RAB11FIP2: variants seen among roughly 807,000 people sequenced by gnomAD.
The protein encoded by RAB11FIP2 is RAB11 family interacting protein 2.
RAB11FIP2 carries 16 observed loss-of-function variants against 40.9 expected under a neutral mutation model. The ratio of observed to expected loss-of-function variants is 0.39; its 90% CI spans 0.26 to 0.59. RAB11FIP2 has a LOEUF of 0.59. Among genes scored for constraint, RAB11FIP2 ranks in the 20% least tolerant of loss-of-function variants. RAB11FIP2 has a pLI of 0.53. For missense variants in RAB11FIP2, 532 were observed against 606.2 expected, an observed-to-expected ratio of 0.88 and a Z score of 1.28; for synonymous variants, 228 against 213.7, an observed-to-expected ratio of 1.07 and a Z score of -0.58.
intron 3 of RAB11FIP2, among the ~76,000 whole-genome samples, chr10:118,031,161 T>C (rs11198241): frequency 0.035 from 5,351 of 152,168 alleles, 131 homozygotes; most frequent in Non-Finnish European, 0.058. Context: ...TAGACAAATA[T>C]GAGCAAAAAG....
intron 3 of RAB11FIP2, among the ~76,000 whole-genome samples, chr10:118,030,455 T>C (rs1176880886): frequency 6.6e-6 from 1 of 152,108 alleles, no homozygotes; most frequent in Non-Finnish European, 1.5e-5. Context: ...CTAAACTATA[T>C]CTCCATAGGT....
At chr10:118,010,156 T>C (rs10430689) in intron 4 of RAB11FIP2, among the ~76,000 whole-genome samples, 83,601 of 152,010 alleles carry the variant, frequency 0.55, 26,865 homozygotes, top group Non-Finnish European at 0.73. Flanking sequence ...CATAATCTTT[T>C]ATTTATAGTG....
intron 4 of RAB11FIP2, among the ~76,000 whole-genome samples, chr10:118,013,891 T>C (rs548491009): frequency 9.3e-4 from 141 of 152,244 alleles, no homozygotes; most frequent in African/African-American, 3.1e-3. Flanking sequence ...AGCTACACAT[T>C]AAATCGATTT....
At position 118,008,193 on chromosome 10, in the gene RAB11FIP2, G is replaced by A. The variant is rs1263048401; in HGVS notation, c.*805C>T. 6.6e-6 allele frequency: 1 copy of A among 152,088 alleles called. No homozygotes were observed. Among genetic ancestry groups the A allele is most frequent in the Non-Finnish European group, 1.5e-5 (1 of 68,000 alleles). 9.4% of individuals were successfully genotyped at this position (152,088 alleles called of 1,614,324 possible). On this transcript the variant is annotated 3_prime_UTR_variant, in exon 5 of 5. Transcript: ENST00000355624. ...TTCATGCTGTTATGAAGTTAATGAA[G>A]TCTCCTAAAATTTGTCATTCTTTAA...
At position 118,027,890 on chromosome 10, in the gene RAB11FIP2, G is replaced by A. The variant is rs566561907; in HGVS notation, c.1265+11082C>T. 1.3e-5 allele frequency among the ~76,000 whole-genome samples: 2 copies of A among 152,214 alleles called. 1 individual carries two copies. On this transcript the variant is annotated intron_variant, in intron 3 of 4. Transcript: ENST00000355624. ...CTAGTCATGCCCCAACTTACAAAAT[G>A]ATGTTCCATGGTCAAGATCAAGCTC...
chr10:118,005,975 C>A lies in RAB11FIP2; in HGVS notation c.*3023G>T, dbSNP rs1348082568. On this transcript the variant is annotated 3_prime_UTR_variant, in exon 5 of 5. Coordinates refer to ENST00000355624, the MANE Select transcript of RAB11FIP2 (RefSeq NM_014904.3). Reference sequence around the variant, plus strand: ...ATTACAACTAAATCTTGATTTACCACCAAAAGCAATAGATGTAGTTATGTA... The same window carrying A: ...ATTACAACTAAATCTTGATTTACCAACAAAAGCAATAGATGTAGTTATGTA... 6.6e-6 allele frequency: 1 copy of A among 152,458 alleles called. No individual in the cohort carries two copies. Among genetic ancestry groups the A allele is most frequent in the Non-Finnish European group, 1.5e-5 (1 of 68,012 alleles). The allele number at this position is 152,458 out of a possible 1,614,324, so 9.4% of individuals were successfully genotyped here. A position where few individuals can be genotyped will look rare whatever the true frequency, so the allele number is the denominator to read the frequency against.
At chr10:118,014,604 CT>C (rs1393496616) in intron 4 of RAB11FIP2, among the ~76,000 whole-genome samples, 3 of 152,110 alleles carry the variant, frequency 2.0e-5, no homozygotes, top group Non-Finnish European at 2.9e-5. Context: ...AGTATTTGTT[CT>C]TTCAAATACT....
chr10:118,046,382 G>C lies in RAB11FIP2; in HGVS notation c.-219C>G. ...CCCCTTTCGTCTGGAGAAACACAGA[G>C]GCCCACCATCACCTGGCCGCGCCGT... On this transcript the variant is annotated 5_prime_UTR_variant, in exon 1 of 5. Coordinates refer to ENST00000355624, the MANE Select transcript of RAB11FIP2 (RefSeq NM_014904.3). The C allele has an allele frequency of 1.8e-6, 1 of 562,684 alleles. No individual in the cohort carries two copies. Among genetic ancestry groups the C allele is most frequent in the Middle Eastern group, 4.7e-4 (1 of 2,136 alleles). The allele number at this position is 562,684 out of a possible 1,614,324, so 34.9% of individuals were successfully genotyped here. A position where few individuals can be genotyped will look rare whatever the true frequency, so the allele number is the denominator to read the frequency against.
intron 3 of RAB11FIP2, among the ~76,000 whole-genome samples, chr10:118,037,072 T>A (rs912721090): frequency 1.3e-5 from 2 of 152,106 alleles, no homozygotes; most frequent in Non-Finnish European, 2.9e-5. Flanking sequence ...CCAAGTTACC[T>A]CAGACAGTTG....
rs1428227669 is a variant in RAB11FIP2 at position 118,006,955 on chromosome 10, T to C, written c.*2043A>G. 1.3e-5 allele frequency: 2 copies of C among 152,396 alleles called. No individual in the cohort carries two copies. Among genetic ancestry groups the C allele is most frequent in the East Asian group, 1.9e-4 (1 of 5,198 alleles). 9.4% of individuals were successfully genotyped at this position (152,396 alleles called of 1,614,324 possible). A position where few individuals can be genotyped will look rare whatever the true frequency, so the allele number is the denominator to read the frequency against. ...ATGAGTTCTATTTATGTAAAACATA[T>C]CCCCAATACAAAACTGACATCTTGG... On this transcript the variant is annotated 3_prime_UTR_variant, in exon 5 of 5. Transcript: ENST00000355624.
Position 118,015,090 on chromosome 10 carries a change from C to T in RAB11FIP2, c.1286G>A (p.Ser429Asn). 4 of 1,609,904 alleles carry T rather than the reference C, an allele frequency of 2.5e-6. No individual in the cohort carries two copies. Among genetic ancestry groups the T allele is most frequent in the Non-Finnish European group, 3.4e-6 (4 of 1,177,498 alleles). The change falls in exon 4 of 5, where the codon AGC (serine) becomes AAC (asparagine). Residue 429 changes from serine (S) to asparagine (N), a missense_variant. Transcript: ENST00000355624. ...CGGGATTTTCCTGAGGTCTTCATTG[C>T]TTGTTGGACTCATATGAAAACTAAT... ...PSSSFHMSPT[S>N]NEDLRKIPDS...
At chr10:118,031,615 G>C (rs1846414999) in intron 3 of RAB11FIP2, among the ~76,000 whole-genome samples, 1 of 152,068 alleles carries the variant, frequency 6.6e-6, no homozygotes, top group South Asian at 2.1e-4. Flanking sequence ...ACACTGCCAT[G>C]AAAAATCACT....
chr10:118,019,867 G>A (rs2133167184), intron 3 of RAB11FIP2, among the ~76,000 whole-genome samples: 1 of 150,616 alleles, frequency 6.6e-6, no homozygotes, highest in South Asian at 2.1e-4. Flanking sequence ...TCACTTTCAT[G>A]ACAAAGGTAT....
intron 3 of RAB11FIP2, among the ~76,000 whole-genome samples, chr10:118,024,027 C>T: frequency 6.7e-6 from 1 of 150,282 alleles, no homozygotes; most frequent in South Asian, 2.1e-4. Flanking sequence ...GAGACGGAGG[C>T]TGCAGTGAGC....
intron 3 of RAB11FIP2, among the ~76,000 whole-genome samples, chr10:118,029,295 T>C (rs548900551): frequency 6.6e-6 from 1 of 152,070 alleles, no homozygotes. Context: ...TGTTCCCTTC[T>C]TCTCCCTCCT....
intron 3 of RAB11FIP2, among the ~76,000 whole-genome samples, chr10:118,031,925 C>G (rs1423041869): frequency 6.6e-6 from 1 of 152,028 alleles, no homozygotes; most frequent in East Asian, 1.9e-4. Flanking sequence ...GGTCCCCAAA[C>G]AAAATTCTCT....
At chr10:118,011,872 T>C (rs549763185) in intron 4 of RAB11FIP2, among the ~76,000 whole-genome samples, 124 of 152,030 alleles carry the variant, frequency 8.2e-4, no homozygotes, top group Non-Finnish European at 1.6e-3. Flanking sequence ...TGCTTTATGC[T>C]TTTTCTTTAT....
intron 4 of RAB11FIP2, among the ~76,000 whole-genome samples, chr10:118,014,057 G>A (rs181968727): frequency 4.1e-4 from 62 of 152,062 alleles, no homozygotes; most frequent in Non-Finnish European, 6.6e-4. Context: ...CTTACGAATC[G>A]TTTAAATAAA....
At chr10:118,017,897 G>C (rs1298342832) in intron 3 of RAB11FIP2, 1 of 152,182 alleles carries the variant, frequency 6.6e-6, no homozygotes, top group Non-Finnish European at 1.5e-5. Flanking sequence ...CTAACCATAT[G>C]TAGTAGCCAA....
Sources: gnomAD v4.1 joint callset for allele counts (sites outside exome capture counted in the v4.1 genomes callset) on GRCh38, gnomAD v4.1.1 for gene constraint, MANE v1.5 for transcripts, NCBI Gene and HGNC (gene_info 2026-07-23, HGNC 2026-07-21) for gene names.